The following CPNE4 variants were observed in gnomAD, a reference collection of about 807,000 sequenced individuals.
CPNE4 encodes copine 4.
In CPNE4, 25 loss-of-function variants were observed where a neutral mutation model predicts 67.9. That is an observed-to-expected ratio of 0.37 (90% CI 0.27 to 0.51). The LOEUF (loss-of-function observed/expected upper bound fraction) is 0.51, where lower values mean the gene tolerates loss of function less well. Among genes scored for constraint, CPNE4 ranks in the 20% least tolerant of loss-of-function variants. The pLI, the probability that CPNE4 is intolerant of heterozygous loss-of-function variation, is 0.93. For missense variants in CPNE4, 464 were observed against 690.8 expected, an observed-to-expected ratio of 0.67 and a Z score of 3.68; for synonymous variants, 242 against 244.9, an observed-to-expected ratio of 0.99 and a Z score of 0.11.
chr3:131,671,459 A>ATGTATGTGTG (rs1491205483), intron 6 of CPNE4, among the ~76,000 whole-genome samples: 2,338 of 131,344 alleles, frequency 0.018, 33 homozygotes, highest in African/African-American at 0.044. Context: ...GAGTGTACAC[A>ATGTATGTGTG]TGTGTGTGTG....
chr3:131,991,017 G>T lies in CPNE4; in HGVS notation c.-2+43550C>A. 1.5e-5 allele frequency among the ~76,000 whole-genome samples: 2 copies of T among 136,390 alleles called. 1 individual carries two copies. The highest frequency in any genetic ancestry group is 3.3e-5 in the Non-Finnish European group (2 of 60,076). The allele number at this position is 136,390 out of a possible 152,430, so 89.5% of individuals were successfully genotyped here. On this transcript the variant is annotated intron_variant, in intron 1 of 15. Coordinates refer to ENST00000429747, the MANE Select transcript of CPNE4 (RefSeq NM_130808.3). Reference sequence around the variant, plus strand: ...ATATGTTTGCTTCCCCTTCCACCGTGATTGTAAGTTTCCTGAGGCCTCCTT... The same window carrying T: ...ATATGTTTGCTTCCCCTTCCACCGTTATTGTAAGTTTCCTGAGGCCTCCTT...
intron 1 of CPNE4, among the ~76,000 whole-genome samples, chr3:131,944,268 C>A (rs2071484780): frequency 6.6e-6 from 1 of 151,590 alleles, no homozygotes; most frequent in Admixed American, 6.6e-5. Context: ...AAGCCCAGAG[C>A]AGTTTGGTGT....
chr3:131,942,382 C>T (rs1421568595), intron 1 of CPNE4, among the ~76,000 whole-genome samples: 4 of 145,254 alleles, frequency 2.8e-5, no homozygotes, highest in Non-Finnish European at 4.5e-5. Context: ...CCAAAGTCTA[C>T]CACAGTTAAT....
At chr3:131,838,811 G>A (rs972123236) in intron 2 of CPNE4, among the ~76,000 whole-genome samples, 1 of 151,102 alleles carries the variant, frequency 6.6e-6, no homozygotes, top group African/African-American at 2.4e-5. Flanking sequence ...ATGTATATTC[G>A]TATACATGAA....
chr3:131,857,806 C>T (rs765679577), intron 2 of CPNE4, among the ~76,000 whole-genome samples: 11 of 151,944 alleles, frequency 7.2e-5, no homozygotes, highest in South Asian at 2.1e-4. Context: ...AGACTAATTA[C>T]GTTGTAGAAT....
intron 2 of CPNE4, among the ~76,000 whole-genome samples, chr3:131,781,979 C>T (rs752590301): frequency 1.3e-4 from 20 of 152,028 alleles, no homozygotes; most frequent in Non-Finnish European, 2.5e-4. Flanking sequence ...CAAGAGTTGT[C>T]TGTTAAATGC....
At chr3:131,627,564 G>T (rs902020443) in intron 7 of CPNE4, among the ~76,000 whole-genome samples, 1 of 152,320 alleles carries the variant, frequency 6.6e-6, no homozygotes, top group East Asian at 1.9e-4. Context: ...ACCTGCTATA[G>T]ATAGTGCTCT....
In CPNE4 at chr3:131,983,854, A is replaced by G. The variant is rs1199533375; in HGVS notation, c.-2+50713T>C. Among the ~76,000 whole-genome samples the G allele has an allele frequency of 2.6e-5, 4 of 152,200 alleles. No homozygotes were observed. The East Asian group carries it at 5.8e-4, about 22-fold the overall frequency. ...ACAGCTGCACAGAATCCTTGGAATCAATTGATTTACATCTATGTGTCTAAT... is the reference window on the plus strand; with the variant it reads ...ACAGCTGCACAGAATCCTTGGAATCGATTGATTTACATCTATGTGTCTAAT... On this transcript the variant is annotated intron_variant, in intron 1 of 15. Transcript: ENST00000429747.
At chr3:132,005,334 TATATATATACAC>T (rs1253553226) in intron 1 of CPNE4, among the ~76,000 whole-genome samples, 5 of 46,482 alleles carry the variant, frequency 1.1e-4, no homozygotes, top group Admixed American at 3.6e-4. Context: ...TATATATATA[TATATATATACAC>T]ACACACACAC....
intron 1 of CPNE4, among the ~76,000 whole-genome samples, chr3:132,029,559 C>A (rs2074194245): frequency 6.6e-6 from 1 of 152,128 alleles, no homozygotes; most frequent in Non-Finnish European, 1.5e-5. Flanking sequence ...CTGCCGTGGA[C>A]CCCTGCCAGC....
At chr3:131,806,757 T>C (rs1217081852) in intron 2 of CPNE4, among the ~76,000 whole-genome samples, 1 of 152,124 alleles carries the variant, frequency 6.6e-6, no homozygotes, top group African/African-American at 2.4e-5. Flanking sequence ...GTTTCTAACA[T>C]GTGGTCACTC....
intron 11 of CPNE4, among the ~76,000 whole-genome samples, chr3:131,561,840 CAA>C (rs990431378): frequency 1.3e-5 from 2 of 152,058 alleles, no homozygotes; most frequent in African/African-American, 4.8e-5. Context: ...TCCACCCACA[CAA>C]AAGAGAAACA....
chr3:131,830,602 T>C (rs914115753), intron 2 of CPNE4, among the ~76,000 whole-genome samples: 1 of 152,210 alleles, frequency 6.6e-6, no homozygotes, highest in Admixed American at 6.5e-5. Flanking sequence ...CAATGAAGCC[T>C]GCTCAGACAA....
intron 1 of CPNE4, among the ~76,000 whole-genome samples, chr3:131,945,180 A>G (rs777090336): frequency 7.7e-6 from 1 of 130,594 alleles, no homozygotes; most frequent in African/African-American, 3.0e-5. Context: ...TATTAAGTCC[A>G]CATACTATAC....
intron 2 of CPNE4, among the ~76,000 whole-genome samples, chr3:131,892,338 ATTC>A (rs757520406): frequency 7.9e-5 from 12 of 152,264 alleles, no homozygotes; most frequent in East Asian, 7.7e-4. Context: ...CAGAAATGCT[ATTC>A]TTCAGAAATG....
At chr3:131,607,922 G>A (rs1239068019) in intron 7 of CPNE4, among the ~76,000 whole-genome samples, 1 of 152,164 alleles carries the variant, frequency 6.6e-6, no homozygotes, top group Non-Finnish European at 1.5e-5. Flanking sequence ...TATTACAAGT[G>A]CAGGGTTGCC....
intron 2 of CPNE4, among the ~76,000 whole-genome samples, chr3:131,877,106 C>T (rs562063534): frequency 6.6e-6 from 1 of 151,840 alleles, no homozygotes; most frequent in Non-Finnish European, 1.5e-5. Flanking sequence ...TCTTTTGCAT[C>T]TAGTAGTAAC....
chr3:131,656,062 T>C (rs1379745487), intron 7 of CPNE4, among the ~76,000 whole-genome samples: 3 of 151,738 alleles, frequency 2.0e-5, no homozygotes, highest in Non-Finnish European at 4.4e-5. Flanking sequence ...TCTTTTTTTT[T>C]TTTTTTTTGT....
chr3:131,986,597 G>A (rs1445782670), intron 1 of CPNE4, among the ~76,000 whole-genome samples: 2 of 152,116 alleles, frequency 1.3e-5, no homozygotes, highest in Non-Finnish European at 2.9e-5. Context: ...GAGGAATTGT[G>A]CAACATAGAA....
Sources: allele counts gnomAD v4.1 joint callset (sites outside exome capture counted in the v4.1 genomes callset), GRCh38; gene constraint gnomAD v4.1.1; transcripts MANE v1.5; gene names NCBI Gene and HGNC (gene_info 2026-07-23, HGNC 2026-07-21).